Variants in CAMK2G observed in about 807,000 individuals in gnomAD.
The protein encoded by CAMK2G is calcium/calmodulin-dependent protein kinase type II subunit gamma.
CAMK2G carries 23 observed loss-of-function variants against 88.7 expected under a neutral mutation model. That is an observed-to-expected ratio of 0.26 (90% CI 0.19 to 0.37). The LOEUF is 0.37. Ranked by LOEUF, CAMK2G falls within the 10% of genes least tolerant of loss-of-function variation. CAMK2G has a pLI of 1.00. For synonymous variants in CAMK2G, 263 were observed against 294.8 expected, an observed-to-expected ratio of 0.89 and a Z score of 1.11; for missense variants, 476 against 780.8, an observed-to-expected ratio of 0.61 and a Z score of 4.65.
At chr10:73,837,594 A>T in intron 13 of CAMK2G, 83 bp from the exon 14 acceptor site, 1 of 1,122,248 alleles carries the variant, frequency 8.9e-7, no homozygotes, top group East Asian at 2.3e-5. Context: ...TCCACAAGAG[A>T]GTGCTGTGTC....
At chr10:73,818,002 G>A (rs771765167) in intron 19 of CAMK2G, among the ~76,000 whole-genome samples, 13 of 152,092 alleles carry the variant, frequency 8.5e-5, no homozygotes, top group African/African-American at 2.4e-4. Flanking sequence ...ACCCCCACTC[G>A]TAGCCCTCAT....
chr10:73,831,366 C>T (rs557208433), intron 14 of CAMK2G, among the ~76,000 whole-genome samples: 1 of 151,486 alleles, frequency 6.6e-6, no homozygotes, highest in Non-Finnish European at 1.5e-5. Context: ...AGCAAAACCC[C>T]GTCTCTACTA....
intron 15 of CAMK2G, among the ~76,000 whole-genome samples, chr10:73,827,805 G>T (rs2133761515): frequency 6.6e-6 from 1 of 152,322 alleles, no homozygotes; most frequent in Non-Finnish European, 1.5e-5. Context: ...TCCCTTGCTT[G>T]CCCCAAGTCC....
chr10:73,815,117 G>T lies in CAMK2G; in HGVS notation c.1665C>A (p.Arg555=). ...TQYIDGQGRP[R]TSQSEETRVW... is the part of the protein sequence containing the mutation. Reference sequence around the variant, plus strand: ...CCCGGGTCTCTTCTGACTGGCTGGTGCGAGGCCGACCCTGCCCGTCGATGT... The same window carrying T: ...CCCGGGTCTCTTCTGACTGGCTGGTTCGAGGCCGACCCTGCCCGTCGATGT... The change falls in exon 22 of 23, where the codon CGC becomes CGA. Residue 555 remains arginine (R), a synonymous_variant. Coordinates refer to ENST00000423381, the MANE Select transcript of CAMK2G (RefSeq NM_001367534.1). The T allele has an allele frequency of 6.2e-7, 1 of 1,614,176 alleles. No homozygotes were observed. Among genetic ancestry groups the T allele is most frequent in the Non-Finnish European group, 8.5e-7 (1 of 1,180,012 alleles).
chr10:73,845,774 C>T (rs2094192610), intron 10 of CAMK2G, among the ~76,000 whole-genome samples: 1 of 152,096 alleles, frequency 6.6e-6, no homozygotes, highest in Non-Finnish European at 1.5e-5. Flanking sequence ...TTTCAACACA[C>T]TGCACATTCC....
In CAMK2G at chr10:73,873,059, C is replaced by G. The variant is rs754182245; in HGVS notation, c.90G>C (p.Arg30Ser). ...CCTGCGTGGAGGTTTTCTTCACACA[C>G]CTGCGGACCACAGAGAAAGCACCCC... ...LGKGAFSVVR[R>S]CVKKTSTQEY... The change falls in exon 2 of 23, where the codon AGG (arginine) becomes AGC (serine). Residue 30 changes from arginine to serine, a missense_variant. Physicochemically the swap from Arg to Ser is moderately radical, Grantham distance 110. Around this residue, in one of 3 missense-constraint regions of CAMK2G, gnomAD observed 164 missense variants for 385.6 expected, o/e 0.43. Transcript: ENST00000423381. 1 of 1,613,058 alleles carries G rather than the reference C, an allele frequency of 6.2e-7. No individual in the cohort carries two copies. Among genetic ancestry groups the G allele is most frequent in the Non-Finnish European group, 8.5e-7 (1 of 1,179,134 alleles).
chr10:73,850,423 C>T (rs2094536142), intron 5 of CAMK2G, among the ~76,000 whole-genome samples: 1 of 148,590 alleles, frequency 6.7e-6, no homozygotes, highest in Admixed American at 6.7e-5. Context: ...TTGCCGCCCG[C>T]CCCCCCCCAC....
At position 73,853,260 on chromosome 10, in the gene CAMK2G, G is replaced by A. The variant is rs1332761440; in HGVS notation, c.221-14C>T. 5.6e-6 allele frequency: 9 copies of A among 1,611,516 alleles called. No homozygotes were observed. The South Asian group carries it at 9.9e-5, about 18-fold the overall frequency. On this transcript the variant is annotated splice_polypyrimidine_tract_variant and intron_variant, in intron 3 of 22. Transcript: ENST00000423381. ...CATGGAGGCGCACTGCAAGAGAGGA[G>A]ATGGGGACAGAGATTAACAGAGAGA... is the stretch of plus-strand genomic sequence containing the variant.
chr10:73,872,026 C>T (rs1412418873), intron 2 of CAMK2G, among the ~76,000 whole-genome samples: 3 of 152,222 alleles, frequency 2.0e-5, no homozygotes, highest in Non-Finnish European at 4.4e-5. Context: ...TACTGCCCAG[C>T]CCTAATTCCT....
intron 2 of CAMK2G, among the ~76,000 whole-genome samples, chr10:73,864,526 T>G (rs1591304153): frequency 6.6e-6 from 1 of 152,080 alleles, no homozygotes; most frequent in African/African-American, 2.4e-5. Context: ...CAGATTTGAG[T>G]AGGGCAGTCC....
intron 2 of CAMK2G, 100 bp downstream of exon 2, chr10:73,872,889 A>G (rs2095884528): frequency 9.8e-6 from 8 of 813,558 alleles, no homozygotes; most frequent in South Asian, 9.4e-5. Flanking sequence ...CTCCTCTCCA[A>G]GTGCTAAAAC....
Position 73,873,095 on chromosome 10 carries a change from A to C in CAMK2G, c.66-12T>G. On this transcript the variant is annotated splice_polypyrimidine_tract_variant and intron_variant, in intron 1 of 22. Coordinates refer to ENST00000423381, the MANE Select transcript of CAMK2G (RefSeq NM_001367534.1). ...CAGAGAAAGCACCCCTGGAGGGAGAAGGGGAAAAGAACTGGGACACGGAGC... is the reference window on the plus strand; with the variant it reads ...CAGAGAAAGCACCCCTGGAGGGAGACGGGGAAAAGAACTGGGACACGGAGC... 6.3e-7 allele frequency: 1 copy of C among 1,579,640 alleles called. No individual in the cohort carries two copies. The highest frequency in any genetic ancestry group is 8.7e-7 in the Non-Finnish European group (1 of 1,148,928).
intron 13 of CAMK2G, among the ~76,000 whole-genome samples, chr10:73,837,899 G>A (rs2093408548): frequency 1.3e-5 from 2 of 152,334 alleles, no homozygotes; most frequent in South Asian, 2.1e-4. Context: ...TTCTCTGGAT[G>A]GCCAAACTGC....
At chr10:73,870,168 C>T (rs181213852) in intron 2 of CAMK2G, among the ~76,000 whole-genome samples, 22 of 152,278 alleles carry the variant, frequency 1.4e-4, no homozygotes, top group Admixed American at 7.8e-4. Context: ...CTTAAAATAA[C>T]GACTTATCAT....
rs764610271 is a variant in CAMK2G, at chr10:73,825,339, G to C, written c.1095C>G (p.Ser365Arg). 6.2e-7 allele frequency: 1 copy of C among 1,613,712 alleles called. No individual in the cohort carries two copies. The highest frequency in any genetic ancestry group is 8.5e-7 in the Non-Finnish European group (1 of 1,179,604). Reference sequence around the variant, plus strand: ...GGCTTACGAGACTGTTTTTGTTGTTGCTCTGTGGCTGAGACAAGAAAACAG... The same window carrying C: ...GGCTTACGAGACTGTTTTTGTTGTTCCTCTGTGGCTGAGACAAGAAAACAG... The part of the protein sequence containing the change: ...SSSSVHLMPQ[S>R]NNKNSLVSPA... Residue 365 changes from serine (S) to arginine (R), a missense_variant, in exon 16 of 23, where the codon AGC becomes AGG. Physicochemically the swap from Ser to Arg is moderately radical, Grantham distance 110. This residue lies in a region of CAMK2G where 278 missense variants were observed against 366.5 expected (regional missense o/e 0.76). Coordinates refer to ENST00000423381, the MANE Select transcript of CAMK2G (RefSeq NM_001367534.1).
At chr10:73,815,396 C>T (rs2085116643) in intron 21 of CAMK2G, 149 bp from the exon 22 acceptor site, 4 of 578,866 alleles carry the variant, frequency 6.9e-6, no homozygotes, top group African/African-American at 5.0e-5. Flanking sequence ...AACCCCTGAA[C>T]GCCCTCCAGA....
At chr10:73,831,656 G>C (rs1267664742) in intron 14 of CAMK2G, among the ~76,000 whole-genome samples, 1 of 150,794 alleles carries the variant, frequency 6.6e-6, no homozygotes, top group Non-Finnish European at 1.5e-5. Flanking sequence ...GATCACCTGA[G>C]CTCAGGAGTT....
At chr10:73,818,845 G>C (rs1270720731) in intron 19 of CAMK2G, 6 of 456,084 alleles carry the variant, frequency 1.3e-5, no homozygotes, top group Admixed American at 4.7e-5. Flanking sequence ...TGCAAGGATA[G>C]ATGGTGGGAG....
intron 4 of CAMK2G, chr10:73,852,558 C>T (rs1383660742): frequency 1.9e-6 from 1 of 537,418 alleles, no homozygotes; most frequent in Non-Finnish European, 3.3e-6. Context: ...CACAGATTCA[C>T]TAATAGTCAG....
Sources: gnomAD v4.1 joint callset for allele counts (sites outside exome capture counted in the v4.1 genomes callset) on GRCh38, gnomAD v4.1.1 for gene constraint, gnomAD v4.1.1 regional missense constraint, MANE v1.5 for transcripts, NCBI Gene and HGNC (gene_info 2026-07-23, HGNC 2026-07-21) for gene names.